The following SGCZ variants were observed in gnomAD, a reference collection of about 807,000 sequenced individuals.
SGCZ encodes the protein zeta-sarcoglycan.
SGCZ carries 40 observed loss-of-function variants against 41.3 expected under a neutral mutation model. The observed-to-expected ratio is 0.97, with a 90% confidence interval of 0.75 to 1.26. SGCZ has a LOEUF of 1.26. SGCZ is among the 50% of genes most tolerant of loss of function. SGCZ has a pLI of 0.00. For synonymous variants in SGCZ, 206 were observed against 137.5 expected, an observed-to-expected ratio of 1.50 and a Z score of -3.49; for missense variants, 552 against 369.8, an observed-to-expected ratio of 1.49 and a Z score of -4.04.
At chr8:14,502,319 A>C (rs2117054444) in intron 2 of SGCZ, among the ~76,000 whole-genome samples, 1 of 152,234 alleles carries the variant, frequency 6.6e-6, no homozygotes, top group Non-Finnish European at 1.5e-5. Flanking sequence ...TAGAAATAGA[A>C]TTGAAGTTGA....
intron 1 of SGCZ, among the ~76,000 whole-genome samples, chr8:15,077,163 T>C (rs928999474): frequency 1.3e-5 from 2 of 152,206 alleles, no homozygotes; most frequent in African/African-American, 4.8e-5. Flanking sequence ...TCACTCGATA[T>C]TTTGAAGATA....
intron 2 of SGCZ, among the ~76,000 whole-genome samples, chr8:14,385,651 T>C (rs944735212): frequency 1.1e-4 from 16 of 152,194 alleles, no homozygotes; most frequent in Middle Eastern, 3.2e-3. Flanking sequence ...ATTTTGTAAC[T>C]TATACTATGA....
chr8:14,141,386 C>G (rs1314358083), intron 5 of SGCZ, among the ~76,000 whole-genome samples: 3 of 152,170 alleles, frequency 2.0e-5, no homozygotes, highest in Non-Finnish European at 4.4e-5. Context: ...AGGCAACCTA[C>G]AGAATGGAAG....
chr8:14,273,446 C>T (rs1253754861), intron 3 of SGCZ, among the ~76,000 whole-genome samples: 1 of 152,076 alleles, frequency 6.6e-6, no homozygotes, highest in Non-Finnish European at 1.5e-5. Context: ...GATGGACAAA[C>T]AATTCAACTC....
intron 1 of SGCZ, among the ~76,000 whole-genome samples, chr8:15,139,139 G>T (rs1041799862): frequency 2.0e-5 from 3 of 152,112 alleles, no homozygotes; most frequent in Non-Finnish European, 2.9e-5. Context: ...TGAGGGCTTG[G>T]CTGTTCTCCA....
In SGCZ at chr8:14,903,583, C is replaced by T. The variant is rs115606154; in HGVS notation, c.39+334002G>A. 6.3e-3 allele frequency among the ~76,000 whole-genome samples: 953 copies of T among 152,010 alleles called. 5 individuals are homozygous for T. The highest frequency in any genetic ancestry group is 0.022 in the African/African-American group (895 of 41,474). The stretch of plus-strand genomic sequence containing the variant: ...GACAAACAGATAAATGGGTATTAGC[C>T]TTTAGGTTGGAAAAAATTAGAAAAG... On this transcript the variant is annotated intron_variant, in intron 1 of 7. Coordinates refer to ENST00000382080, the MANE Select transcript of SGCZ (RefSeq NM_139167.4).
intron 1 of SGCZ, among the ~76,000 whole-genome samples, chr8:15,030,553 G>A (rs1803622871): frequency 6.6e-6 from 1 of 152,090 alleles, no homozygotes; most frequent in African/African-American, 2.4e-5. Context: ...GAGAAGAGCT[G>A]TAAATGCAGA....
At chr8:15,164,871 G>C (rs1373677613) in intron 1 of SGCZ, among the ~76,000 whole-genome samples, 1 of 152,042 alleles carries the variant, frequency 6.6e-6, no homozygotes. Flanking sequence ...TAGCAGTCCT[G>C]ACTTACGGAA....
intron 1 of SGCZ, among the ~76,000 whole-genome samples, chr8:14,767,327 G>A: frequency 6.6e-6 from 1 of 152,298 alleles, no homozygotes; most frequent in East Asian, 1.9e-4. Context: ...ATTTGGCTTA[G>A]TTGTAGACTA....
chr8:14,341,294 A>G (rs569785128), intron 2 of SGCZ, among the ~76,000 whole-genome samples: 1 of 152,362 alleles, frequency 6.6e-6, no homozygotes, highest in South Asian at 2.1e-4. Context: ...ATCCGAAAGC[A>G]GATTTGCTGC....
intron 1 of SGCZ, among the ~76,000 whole-genome samples, chr8:15,094,359 T>G (rs1046385984): frequency 6.6e-5 from 10 of 152,262 alleles, no homozygotes; most frequent in African/African-American, 2.4e-4. Flanking sequence ...GATCTCGGAC[T>G]CCTGACCTCA....
intron 2 of SGCZ, among the ~76,000 whole-genome samples, chr8:14,402,069 G>T (rs1159950857): frequency 2.0e-5 from 3 of 152,126 alleles, no homozygotes; most frequent in Non-Finnish European, 4.4e-5. Context: ...TGTGTTTTTA[G>T]GCTGCATAAA....
rs116668673 is a variant in SGCZ at position 14,301,191 on chromosome 8, T to A, written c.336+22912A>T. Among the ~76,000 whole-genome samples, 371 of 152,108 alleles carry A rather than the reference T, an allele frequency of 2.4e-3. 1 individual carries two copies. Among genetic ancestry groups the A allele is most frequent in the African/African-American group, 8.3e-3 (343 of 41,548 alleles). On this transcript the variant is annotated intron_variant, in intron 3 of 7. Transcript: ENST00000382080. ...TAGTTTAGTATTAACATGTACAACC[T>A]TCCTTGTTGAGATTTACGTATCTGA...
intron 5 of SGCZ, among the ~76,000 whole-genome samples, chr8:14,121,621 TCC>T (rs1802699049): frequency 2.6e-5 from 4 of 152,130 alleles, no homozygotes; most frequent in African/African-American, 7.2e-5. Context: ...GATAGACTTT[TCC>T]ATTCAGTTAA....
chr8:14,677,118 A>T (rs750659155), intron 1 of SGCZ, among the ~76,000 whole-genome samples: 2 of 152,126 alleles, frequency 1.3e-5, no homozygotes, highest in Non-Finnish European at 2.9e-5. Context: ...TGATAATAGC[A>T]AGGTGATGCA....
rs545709630 is a variant in SGCZ, at chr8:14,893,682, T to C, written c.40-338756A>G. ...ACTGTGTCTCACACAACAGACACTA[T>C]GAACTATGCTGATAAGCGCTCATGG... On this transcript the variant is annotated intron_variant, in intron 1 of 7. Transcript: ENST00000382080. Among the ~76,000 whole-genome samples, 9 of 152,324 alleles carry C rather than the reference T, an allele frequency of 5.9e-5. No individual in the cohort carries two copies. In the South Asian group the frequency reaches 1.7e-3, roughly 28 times the overall value.
intron 3 of SGCZ, chr8:14,309,559 G>A: frequency 1.2e-6 from 2 of 1,610,628 alleles, no homozygotes; most frequent in Non-Finnish European, 1.7e-6. Context: ...CACATACAGG[G>A]ACGGTATAAC....
At chr8:14,272,651 A>G (rs1469742014) in intron 3 of SGCZ, among the ~76,000 whole-genome samples, 2 of 152,218 alleles carry the variant, frequency 1.3e-5, no homozygotes, top group Non-Finnish European at 2.9e-5. Context: ...CCTGGTGTGT[A>G]GAATAAATTA....
At chr8:14,893,971 T>A (rs1393615851) in intron 1 of SGCZ, among the ~76,000 whole-genome samples, 1 of 152,310 alleles carries the variant, frequency 6.6e-6, no homozygotes, top group South Asian at 2.1e-4. Flanking sequence ...TTTGTAACAC[T>A]TTTTAACCCA....
Sources: gnomAD v4.1 joint callset for allele counts (sites outside exome capture counted in the v4.1 genomes callset) on GRCh38, gnomAD v4.1.1 for gene constraint, MANE v1.5 for transcripts, NCBI Gene and HGNC (gene_info 2026-07-23, HGNC 2026-07-21) for gene names.